MTHFD2L: variants seen among roughly 807,000 people sequenced by gnomAD.
MTHFD2L encodes the protein methylenetetrahydrofolate dehydrogenase (NADP+ dependent) 2 like.
In MTHFD2L, 29 loss-of-function variants were observed where a neutral mutation model predicts 34.9. The observed-to-expected ratio is 0.83, with a 90% CI of 0.62 to 1.13. The LOEUF (loss-of-function observed/expected upper bound fraction) is 1.13, where lower values mean the gene tolerates loss of function less well. Among genes scored for constraint, MTHFD2L ranks in the 50% most tolerant of loss-of-function variants. The pLI, the probability that MTHFD2L is intolerant of heterozygous loss-of-function variation, is 0.00. For synonymous variants in MTHFD2L, 167 were observed against 155.7 expected, an observed-to-expected ratio of 1.07 and a Z score of -0.54; for missense variants, 481 against 446.5, an observed-to-expected ratio of 1.08 and a Z score of -0.70.
At chr4:74,190,904 G>GT (rs1234325782) in intron 3 of MTHFD2L, among the ~76,000 whole-genome samples, 3 of 151,912 alleles carry the variant, frequency 2.0e-5, no homozygotes, top group Non-Finnish European at 4.4e-5. Flanking sequence ...ATTCATTTTT[G>GT]TTTTTTGTTT....
chr4:74,260,109 C>A (rs1397419523), intron 6 of MTHFD2L, among the ~76,000 whole-genome samples: 1 of 152,194 alleles, frequency 6.6e-6, no homozygotes, highest in African/African-American at 2.4e-5. Flanking sequence ...CCTGGAAGTT[C>A]TCTGTGTCAA....
intron 3 of MTHFD2L, among the ~76,000 whole-genome samples, chr4:74,191,366 T>TG (rs1732470722): frequency 2.0e-5 from 3 of 150,018 alleles, no homozygotes; most frequent in South Asian, 4.2e-4. Flanking sequence ...ACCTGGTCGT[T>TG]TTTTTTTTTC....
At chr4:74,215,951 T>C (rs774050320) in intron 5 of MTHFD2L, among the ~76,000 whole-genome samples, 2 of 150,874 alleles carry the variant, frequency 1.3e-5, no homozygotes, top group Non-Finnish European at 2.9e-5. Flanking sequence ...AATTTTATCC[T>C]GAGAGCTTGT....
At chr4:74,145,133 T>C (rs1387968931) in intron 1 of MTHFD2L, among the ~76,000 whole-genome samples, 1 of 150,394 alleles carries the variant, frequency 6.6e-6, no homozygotes, top group Non-Finnish European at 1.5e-5. Context: ...AAAAGACTGA[T>C]AAACTAGACT....
At chr4:74,118,653 A>G (rs1324616242), upstream of MTHFD2L, among the ~76,000 whole-genome samples, 1 of 152,196 alleles carries the variant, frequency 6.6e-6, no homozygotes, top group African/African-American at 2.4e-5. Context: ...CAGAGATGCA[A>G]CCACACAGAG....
intron 7 of MTHFD2L, among the ~76,000 whole-genome samples, chr4:74,292,347 G>T (rs1242806978): frequency 6.6e-6 from 1 of 152,170 alleles, no homozygotes; most frequent in African/African-American, 2.4e-5. Context: ...TAATGCTTCT[G>T]CAAGTTTTTC....
intron 1 of MTHFD2L, among the ~76,000 whole-genome samples, chr4:74,137,345 C>A (rs1723004184): frequency 6.6e-6 from 1 of 152,100 alleles, no homozygotes; most frequent in Non-Finnish European, 1.5e-5. Context: ...ATACAAATGA[C>A]TAACAGCTAT....
chr4:74,244,358 A>G (rs944180383), intron 6 of MTHFD2L, among the ~76,000 whole-genome samples: 1 of 152,166 alleles, frequency 6.6e-6, no homozygotes, highest in Admixed American at 6.5e-5. Context: ...GCTTTTGTCA[A>G]TGGGAAGGAA....
intron 6 of MTHFD2L, among the ~76,000 whole-genome samples, chr4:74,266,252 A>C (rs1010372194): frequency 6.6e-6 from 1 of 152,172 alleles, no homozygotes; most frequent in Non-Finnish European, 1.5e-5. Context: ...TTTCACTATT[A>C]TGTTTCTAAA....
At chr4:74,280,975 CT>C (rs1012164447) in intron 6 of MTHFD2L, among the ~76,000 whole-genome samples, 1 of 151,862 alleles carries the variant, frequency 6.6e-6, no homozygotes, top group Non-Finnish European at 1.5e-5. Flanking sequence ...TTCTTTCCCC[CT>C]CCCTTCCTTT....
intron 6 of MTHFD2L, among the ~76,000 whole-genome samples, chr4:74,233,331 G>A (rs1740368716): frequency 6.6e-6 from 1 of 151,952 alleles, no homozygotes; most frequent in Admixed American, 6.6e-5. Context: ...AAAGAAACGT[G>A]GTCTTTAAAG....
intron 6 of MTHFD2L, among the ~76,000 whole-genome samples, chr4:74,260,459 AT>A (rs1424321125): frequency 6.6e-6 from 1 of 152,170 alleles, no homozygotes; most frequent in African/African-American, 2.4e-5. Flanking sequence ...TAGGTTAAAT[AT>A]TAAAGCCTAG....
chr4:74,233,841 G>T (rs1578560108), intron 6 of MTHFD2L, among the ~76,000 whole-genome samples: 1 of 151,786 alleles, frequency 6.6e-6, no homozygotes, highest in Non-Finnish European at 1.5e-5. Flanking sequence ...TTTGAAAAGG[G>T]GGAATCTTTT....
intron 1 of MTHFD2L, among the ~76,000 whole-genome samples, chr4:74,174,090 C>T (rs1268127474): frequency 1.3e-5 from 2 of 152,044 alleles, no homozygotes. Context: ...TAGCTGTCTT[C>T]GTGCTATGTC....
chr4:74,191,042 A>G (rs1243017308), intron 3 of MTHFD2L, among the ~76,000 whole-genome samples: 2 of 152,118 alleles, frequency 1.3e-5, no homozygotes, highest in Non-Finnish European at 2.9e-5. Flanking sequence ...CTGGGAGTAC[A>G]GGTGCCGGCC....
chr4:74,287,913 A>G (rs1748393726), intron 7 of MTHFD2L, among the ~76,000 whole-genome samples: 1 of 152,182 alleles, frequency 6.6e-6, no homozygotes, highest in Admixed American at 6.6e-5. Flanking sequence ...AGAATGGTTT[A>G]AACAGAAATT....
At chr4:74,241,756 AAAG>A (rs1355199998) in intron 6 of MTHFD2L, 2 of 197,052 alleles carry the variant, frequency 1.0e-5, no homozygotes, top group Non-Finnish European at 2.2e-5. Context: ...ATTGCTAAAA[AAAG>A]AAGCATGTAT....
intron 1 of MTHFD2L, among the ~76,000 whole-genome samples, chr4:74,141,420 C>A (rs1031545343): frequency 3.9e-5 from 6 of 152,198 alleles, no homozygotes; most frequent in Non-Finnish European, 8.8e-5. Context: ...TTCAGTGTGT[C>A]ACTAGATTCT....
intron 7 of MTHFD2L, chr4:74,293,629 C>A: frequency 1.9e-6 from 1 of 523,902 alleles, no homozygotes; most frequent in Non-Finnish European, 2.4e-6. Flanking sequence ...AGTTCAATGG[C>A]AAGCTACTAA....
Sources: gnomAD v4.1 joint callset for allele counts (sites outside exome capture counted in the v4.1 genomes callset) on GRCh38, gnomAD v4.1.1 for gene constraint, MANE v1.5 for transcripts, NCBI Gene and HGNC (gene_info 2026-07-23, HGNC 2026-07-21) for gene names.